Variants in GAS2 observed in about 807,000 individuals in gnomAD.
The protein encoded by GAS2 is growth arrest specific 2.
GAS2 carries 20 observed loss-of-function variants against 37.5 expected under a neutral mutation model. The ratio of observed to expected loss-of-function variants is 0.53; its 90% CI spans 0.37 to 0.77. GAS2 has a LOEUF of 0.77. Among genes scored for constraint, GAS2 ranks in the 30% least tolerant of loss-of-function variants. The pLI, the probability that GAS2 is intolerant of heterozygous loss-of-function variation, is 0.00. For synonymous variants in GAS2, 144 were observed against 132.2 expected (o/e 1.09, Z -0.61); for missense variants, 336 against 373.4 (o/e 0.90, Z 0.82).
intron 5 of GAS2, among the ~76,000 whole-genome samples, chr11:22,740,807 A>T (rs986037533): frequency 7.9e-5 from 12 of 152,324 alleles, no homozygotes; most frequent in African/African-American, 1.7e-4. Context: ...CTTCTCACAG[A>T]CCCATAGAGG....
intron 7 of GAS2, among the ~76,000 whole-genome samples, chr11:22,806,487 A>T (rs1456469893): frequency 6.6e-6 from 1 of 152,194 alleles, no homozygotes; most frequent in African/African-American, 2.4e-5. Flanking sequence ...TTGCTGGATC[A>T]CATGGTACCT....
intron 3 of GAS2, among the ~76,000 whole-genome samples, chr11:22,720,722 T>C (rs1285684800): frequency 6.6e-6 from 1 of 152,050 alleles, no homozygotes; most frequent in Non-Finnish European, 1.5e-5. Flanking sequence ...GTATCTCTTC[T>C]GTTTTATATC....
chr11:22,780,999 A>G (rs1030166635), intron 7 of GAS2, among the ~76,000 whole-genome samples: 4 of 152,224 alleles, frequency 2.6e-5, no homozygotes, highest in Non-Finnish European at 5.9e-5. Flanking sequence ...AAAGCAAAGC[A>G]TTCTGAATTA....
Position 22,771,754 on chromosome 11 carries a change from G to T in GAS2, c.723+15801G>T, listed in dbSNP as rs138277798. 5.1e-4 allele frequency among the ~76,000 whole-genome samples: 77 copies of T among 152,160 alleles called. 1 individual carries two copies. The highest frequency in any genetic ancestry group is 1.5e-3 in the African/African-American group (62 of 41,520). ...AACATATCTTGAAACTACATTATGA[G>T]AATTTTTAGATTTCTAAAAGAGCAC... is the stretch of plus-strand genomic sequence containing the variant. On this transcript the variant is annotated intron_variant, in intron 7 of 7. Coordinates refer to ENST00000454584, the MANE Select transcript of GAS2 (RefSeq NM_001143830.3).
chr11:22,693,925 T>C (rs1291073324), intron 3 of GAS2, among the ~76,000 whole-genome samples: 1 of 152,170 alleles, frequency 6.6e-6, no homozygotes, highest in East Asian at 1.9e-4. Flanking sequence ...GAAACCCAAA[T>C]ACTGCATGTT....
intron 3 of GAS2, among the ~76,000 whole-genome samples, chr11:22,707,824 T>G (rs150775355): frequency 3.8e-4 from 58 of 152,300 alleles, no homozygotes; most frequent in African/African-American, 1.3e-3. Flanking sequence ...CCACAAGACT[T>G]AAGTATTTGA....
Position 22,778,568 on chromosome 11 carries a change from C to T in GAS2, c.723+22615C>T, listed in dbSNP as rs531543250. 4.6e-5 allele frequency among the ~76,000 whole-genome samples: 7 copies of T among 152,258 alleles called. No homozygotes were observed. The South Asian group carries it at 1.0e-3, about 23-fold the overall frequency. Reference sequence around the variant, plus strand: ...AAATGATGAGAAGGAGCCAGGCTTGCGAAGAGCGGGAAAAGCAGTTTAGAG... The same window carrying T: ...AAATGATGAGAAGGAGCCAGGCTTGTGAAGAGCGGGAAAAGCAGTTTAGAG... On this transcript the variant is annotated intron_variant, in intron 7 of 7. Coordinates refer to ENST00000454584, the MANE Select transcript of GAS2 (RefSeq NM_001143830.3).
intron 4 of GAS2, among the ~76,000 whole-genome samples, chr11:22,736,042 G>A (rs1269339157): frequency 6.7e-6 from 1 of 149,238 alleles, no homozygotes; most frequent in African/African-American, 2.5e-5. Flanking sequence ...AAAAATTGAT[G>A]ATCTATACAG....
At chr11:22,746,366 C>T (rs182344837) in intron 5 of GAS2, among the ~76,000 whole-genome samples, 273 of 152,162 alleles carry the variant, frequency 1.8e-3, no homozygotes, top group African/African-American at 6.2e-3. Flanking sequence ...TAGGTATATA[C>T]CCAAAGGAAA....
chr11:22,745,393 G>A (rs901440433), intron 5 of GAS2, among the ~76,000 whole-genome samples: 1 of 151,988 alleles, frequency 6.6e-6, no homozygotes, highest in Non-Finnish European at 1.5e-5. Context: ...ATGGTGCTGG[G>A]ATAATGAGTA....
At chr11:22,644,587 G>C (rs1437394512) in intron 1 of GAS2, among the ~76,000 whole-genome samples, 2 of 152,138 alleles carry the variant, frequency 1.3e-5, no homozygotes, top group African/African-American at 4.8e-5. Flanking sequence ...TATTTAAACA[G>C]ATACGTTGAG....
chr11:22,795,388 G>C (rs1590140127), intron 7 of GAS2, among the ~76,000 whole-genome samples: 2 of 152,082 alleles, frequency 1.3e-5, no homozygotes, highest in Admixed American at 1.3e-4. Flanking sequence ...AAGAGAAGCA[G>C]AACAGGGTAA....
At chr11:22,778,606 G>C (rs1855387560) in intron 7 of GAS2, among the ~76,000 whole-genome samples, 1 of 152,234 alleles carries the variant, frequency 6.6e-6, no homozygotes, top group Non-Finnish European at 1.5e-5. Context: ...AACAGGAAGA[G>C]CAAGTGCAAA....
At chr11:22,730,959 A>G (rs1852443754) in intron 4 of GAS2, among the ~76,000 whole-genome samples, 1 of 151,816 alleles carries the variant, frequency 6.6e-6, no homozygotes, top group Admixed American at 6.6e-5. Context: ...TATGGGGCTA[A>G]GTTTTACAAT....
At chr11:22,726,270 A>G (rs1304938408) in intron 3 of GAS2, 22 bp from the exon 4 acceptor site, 2 of 1,583,252 alleles carry the variant, frequency 1.3e-6, no homozygotes, top group Non-Finnish European at 1.7e-6. Context: ...TTTCTCCTAG[A>G]ACGAATTTCT....
intron 1 of GAS2, among the ~76,000 whole-genome samples, chr11:22,672,204 C>T (rs1371567064): frequency 2.6e-5 from 4 of 152,076 alleles, no homozygotes; most frequent in African/African-American, 9.7e-5. Context: ...GCTTTTTTCT[C>T]ACCACTAAAA....
chr11:22,678,306 C>T (rs868528670), intron 2 of GAS2, among the ~76,000 whole-genome samples: 1 of 24,132 alleles, frequency 4.1e-5, no homozygotes, highest in African/African-American at 7.4e-5. Flanking sequence ...TTTTCTTACA[C>T]TTAGATACAT....
At chr11:22,785,514 T>C (rs1855779280) in intron 7 of GAS2, among the ~76,000 whole-genome samples, 1 of 152,182 alleles carries the variant, frequency 6.6e-6, no homozygotes, top group African/African-American at 2.4e-5. Flanking sequence ...AACAGAATAA[T>C]GTATGTGTTG....
At chr11:22,743,733 G>A (rs542887837) in intron 5 of GAS2, among the ~76,000 whole-genome samples, 14 of 151,750 alleles carry the variant, frequency 9.2e-5, no homozygotes, top group Non-Finnish European at 1.6e-4. Context: ...AGGTTATAAA[G>A]GAAATAGAAG....
Sources: gnomAD v4.1 joint callset for allele counts (sites outside exome capture counted in the v4.1 genomes callset) on GRCh38, gnomAD v4.1.1 for gene constraint, MANE v1.5 for transcripts, NCBI Gene and HGNC (gene_info 2026-07-23, HGNC 2026-07-21) for gene names.